The following CACNA1H variants were observed in gnomAD, a reference collection of about 807,000 sequenced individuals.
CACNA1H encodes the protein calcium voltage-gated channel subunit alpha1 H.
Under a neutral mutation model 192.5 loss-of-function variants are expected in CACNA1H, and 149 were observed. That is an observed-to-expected ratio of 0.77 (90% CI 0.68 to 0.89). CACNA1H has a LOEUF of 0.89. Ranked by LOEUF, CACNA1H falls within the 40% of genes least tolerant of loss-of-function variation. The pLI, the probability that CACNA1H is intolerant of heterozygous loss-of-function variation, is 0.00. For missense variants in CACNA1H, 4,257 were observed against 3,423.5 expected, an observed-to-expected ratio of 1.24 and a Z score of -6.08; for synonymous variants, 2,202 against 1,475.2, an observed-to-expected ratio of 1.49 and a Z score of -11.29.
rs186747742 is a variant in CACNA1H at position 1,184,571 on chromosome 16, C to T, written c.300-10401C>T. On this transcript the variant is annotated intron_variant, in intron 2 of 34. Coordinates refer to ENST00000348261, the MANE Select transcript of CACNA1H (RefSeq NM_021098.3). ...CAGCCTCCAGGCATCCCTGCCCTCT[C>T]GTAGGCATCCAGGCCCCCTGGTGGA... Among the ~76,000 whole-genome samples the T allele has an allele frequency of 1.2e-4, 19 of 152,386 alleles. No homozygotes were observed. In the East Asian group the frequency reaches 1.7e-3, roughly 14 times the overall value.
intron 6 of CACNA1H, among the ~76,000 whole-genome samples, chr16:1,199,831 C>G (rs911162936): frequency 6.6e-6 from 1 of 151,764 alleles, no homozygotes; most frequent in African/African-American, 2.4e-5. Flanking sequence ...CCCCAGGCTT[C>G]CCTCCCCTCG....
intron 2 of CACNA1H, among the ~76,000 whole-genome samples, chr16:1,177,147 C>T (rs1567460247): frequency 6.6e-6 from 1 of 152,222 alleles, no homozygotes; most frequent in Non-Finnish European, 1.5e-5. Flanking sequence ...TGTCATTCCA[C>T]TGACATTTAC....
chr16:1,193,788 AG>A (rs925806705), intron 2 of CACNA1H, among the ~76,000 whole-genome samples: 4 of 151,826 alleles, frequency 2.6e-5, no homozygotes, highest in Admixed American at 1.3e-4. Flanking sequence ...GCTTGGTGGG[AG>A]GGAGGGTTCC....
rs997846742 is a variant in CACNA1H at position 1,200,399 on chromosome 16, C to A, written c.947C>A (p.Thr316Asn). 1 of 1,607,898 alleles carries A rather than the reference C, an allele frequency of 6.2e-7. No individual in the cohort carries two copies. The highest frequency in any genetic ancestry group is 8.5e-7 in the Non-Finnish European group (1 of 1,178,424). The change falls in exon 7 of 35, where the codon ACC becomes AAC. Residue 316 changes from threonine to asparagine, a missense_variant. Physicochemically the swap from Thr to Asn is moderately conservative, Grantham distance 65 (BLOSUM62 0). Coordinates refer to ENST00000348261, the MANE Select transcript of CACNA1H (RefSeq NM_021098.3). ...PGRRELRMPC[T>N]LGWEAYTQPQ... is the part of the protein sequence containing the mutation. ...CGCCGCGAGCTGCGCATGCCCTGCA[C>A]CCTGGGCTGGGAGGCCTACACGCAG...
At position 1,221,456 on chromosome 16, in the gene CACNA1H, C is replaced by A; in HGVS notation, c.*462C>A. The A allele has an allele frequency of 2.9e-6, 1 of 350,628 alleles. No individual in the cohort carries two copies. Among genetic ancestry groups the A allele is most frequent in the Non-Finnish European group, 5.2e-6 (1 of 193,294 alleles). The allele number at this position is 350,628 out of a possible 1,614,324, so 21.7% of individuals were successfully genotyped here. ...ACAGTCTGAGTTCTTGTCCGCCTGT[C>A]ACGCCCTCACCACCCTCCCCTTCCA... is the stretch of plus-strand genomic sequence containing the variant. On this transcript the variant is annotated 3_prime_UTR_variant, in exon 35 of 35. Coordinates refer to ENST00000348261, the MANE Select transcript of CACNA1H (RefSeq NM_021098.3).
chr16:1,189,757 A>G (rs1966429469), intron 2 of CACNA1H, among the ~76,000 whole-genome samples: 1 of 151,968 alleles, frequency 6.6e-6, no homozygotes, highest in Non-Finnish European at 1.5e-5. Flanking sequence ...GGGCTGAGGG[A>G]CAGGATGGGT....
chr16:1,161,554 C>T (rs1963199690), intron 2 of CACNA1H, among the ~76,000 whole-genome samples: 1 of 152,298 alleles, frequency 6.6e-6, no homozygotes, highest in South Asian at 2.1e-4. Context: ...CTGGGGTCTC[C>T]ATGGCCACAG....
intron 31 of CACNA1H, 74 bp downstream of exon 31, chr16:1,217,084 C>A: frequency 7.7e-7 from 1 of 1,290,772 alleles, no homozygotes; most frequent in Non-Finnish European, 1.1e-6. Flanking sequence ...TCCACTCACA[C>A]GCAGGCACAT....
rs1968514056 is a variant in CACNA1H, at chr16:1,205,060, A to C, written c.2452-54A>C. ...TGGGGGCCCCAGATCAGTGCCGGTG[A>C]GGGGTGGGAGCCGCGGGTGCGGCCT... On this transcript the variant is annotated intron_variant, in intron 10 of 34. Transcript: ENST00000348261. 1.7e-5 allele frequency: 25 copies of C among 1,489,024 alleles called. 1 individual carries two copies. The highest frequency in any genetic ancestry group is 2.3e-5 in the Non-Finnish European group (25 of 1,099,288). 92.2% of individuals were successfully genotyped at this position (1,489,024 alleles called of 1,614,324 possible).
intron 9 of CACNA1H, among the ~76,000 whole-genome samples, chr16:1,203,313 A>G (rs1228907531): frequency 1.3e-5 from 2 of 152,166 alleles, no homozygotes; most frequent in Non-Finnish European, 2.9e-5. Context: ...TGGAGTAACC[A>G]TGGTTTGCTC....
chr16:1,200,456 A>G lies in CACNA1H; in HGVS notation c.1004A>G (p.Asn335Ser), dbSNP rs761500104. ...PQAEGVGAAR[N>S]ACINWNQYYN... ...GCCGAGGGGGTGGGCGCTGCACGCA[A>G]CGCCTGCATCAACTGGAACCAGTAC... is the stretch of plus-strand genomic sequence containing the variant. Residue 335 changes from asparagine to serine, a missense_variant, in exon 7 of 35, where the codon AAC becomes AGC. By Grantham distance (46) the Asn-to-Ser change is conservative. Coordinates refer to ENST00000348261, the MANE Select transcript of CACNA1H (RefSeq NM_021098.3). 1 of 1,611,680 alleles carries G rather than the reference A, an allele frequency of 6.2e-7. No individual in the cohort carries two copies. The highest frequency in any genetic ancestry group is 1.1e-5 in the South Asian group (1 of 91,076).
chr16:1,183,500 T>A (rs889064069), intron 2 of CACNA1H, among the ~76,000 whole-genome samples: 1 of 152,142 alleles, frequency 6.6e-6, no homozygotes, highest in Non-Finnish European at 1.5e-5. Context: ...AGTCAGCGCA[T>A]CCCCGGCAAC....
At chr16:1,170,837 T>A (rs1214678089) in intron 2 of CACNA1H, among the ~76,000 whole-genome samples, 1 of 152,134 alleles carries the variant, frequency 6.6e-6, no homozygotes, top group Non-Finnish European at 1.5e-5. Context: ...GTTTTCTTTT[T>A]GTTTTGGGTG....
chr16:1,169,517 C>T (rs1228941211), intron 2 of CACNA1H, among the ~76,000 whole-genome samples: 3 of 152,236 alleles, frequency 2.0e-5, no homozygotes, highest in African/African-American at 7.2e-5. Flanking sequence ...GCGCGTGTCT[C>T]GGGTTCCCCG....
intron 3 of CACNA1H, 140 bp downstream of exon 3, chr16:1,195,223 CGGCGGGGCGCGAGGTGGGGCTGGGGGTGG>C: frequency 2.7e-6 from 1 of 363,962 alleles, no homozygotes; most frequent in Non-Finnish European, 4.4e-6. Flanking sequence ...GCGAGGTTCA[CGGCGGGGCGCGAGGTGGGGCTGGGGGTGG>C]GGCAGGGCGA....
At chr16:1,178,397 T>C (rs1965132510) in intron 2 of CACNA1H, among the ~76,000 whole-genome samples, 2 of 149,380 alleles carry the variant, frequency 1.3e-5, no homozygotes, top group Admixed American at 1.3e-4. Flanking sequence ...CCCATATTCA[T>C]ATCTCAGAGT....
At chr16:1,199,634 T>G (rs1320038904) in intron 6 of CACNA1H, among the ~76,000 whole-genome samples, 1 of 141,582 alleles carries the variant, frequency 7.1e-6, no homozygotes, top group African/African-American at 2.7e-5. Context: ...CTCTGCAGTC[T>G]CTCCTCAGCC....
At chr16:1,172,920 G>A (rs1350970096) in intron 2 of CACNA1H, among the ~76,000 whole-genome samples, 1 of 151,880 alleles carries the variant, frequency 6.6e-6, no homozygotes, top group Non-Finnish European at 1.5e-5. Context: ...CTGGCCCTAA[G>A]CCTTGTTGGT....
Position 1,209,020 on chromosome 16 carries a change from G to T in CACNA1H, c.3364-12G>T, listed in dbSNP as rs749071723. 2 of 1,483,636 alleles carry T rather than the reference G, an allele frequency of 1.3e-6. No homozygotes were observed. The highest frequency in any genetic ancestry group is 8.9e-7 in the Non-Finnish European group (1 of 1,125,298). The allele number at this position is 1,483,636 out of a possible 1,614,324, so 91.9% of individuals were successfully genotyped here. A position where few individuals can be genotyped will look rare whatever the true frequency, so the allele number is the denominator to read the frequency against. ...TGATGCCACCAGGTCACTGACTCCC[G>T]CCACCCCCCAGGCCAGCCTCCGAAG... On this transcript the variant is annotated splice_polypyrimidine_tract_variant and intron_variant, in intron 16 of 34. Coordinates refer to ENST00000348261, the MANE Select transcript of CACNA1H (RefSeq NM_021098.3).
Sources: gnomAD v4.1 joint callset for allele counts (sites outside exome capture counted in the v4.1 genomes callset) on GRCh38, gnomAD v4.1.1 for gene constraint, MANE v1.5 for transcripts, NCBI Gene and HGNC (gene_info 2026-07-23, HGNC 2026-07-21) for gene names.